The following SBNO2 variants were observed in gnomAD, a reference collection of about 807,000 sequenced individuals.
The protein encoded by SBNO2 is strawberry notch homolog 2, also known as protein strawberry notch homolog 2.
SBNO2 carries 89 observed loss-of-function variants against 146.3 expected under a neutral mutation model. The ratio of observed to expected loss-of-function variants is 0.61; its 90% confidence interval spans 0.51 to 0.73. SBNO2 has a LOEUF of 0.73. Among genes scored for constraint, SBNO2 ranks in the 30% least tolerant of loss-of-function variants. The pLI is 0.00. For synonymous variants in SBNO2, 1,147 were observed against 892.6 expected, an observed-to-expected ratio of 1.29 and a Z score of -5.08; for missense variants, 2,092 against 2,003.7, an observed-to-expected ratio of 1.04 and a Z score of -0.84.
intron 1 of SBNO2, among the ~76,000 whole-genome samples, chr19:1,156,721 G>A (rs892459500): frequency 7.2e-5 from 11 of 152,132 alleles, no homozygotes; most frequent in Admixed American, 1.3e-4. Context: ...CCTTGAGGAC[G>A]TCACGCTCTG....
chr19:1,148,249 C>T (rs948476352), intron 3 of SBNO2, among the ~76,000 whole-genome samples: 1 of 152,080 alleles, frequency 6.6e-6, no homozygotes, highest in Non-Finnish European at 1.5e-5. Flanking sequence ...GGGCCACTCT[C>T]CTCCTGCATA....
At chr19:1,163,336 G>T (rs1051707062) in intron 1 of SBNO2, among the ~76,000 whole-genome samples, 1 of 152,222 alleles carries the variant, frequency 6.6e-6, no homozygotes, top group Non-Finnish European at 1.5e-5. Flanking sequence ...CGCAGACCAA[G>T]GGCGCCTGGA....
intron 11 of SBNO2, 78 bp downstream of exon 11, chr19:1,122,047 ACTCCCACCCCTCCT>A: frequency 3.1e-6 from 2 of 644,526 alleles, no homozygotes; most frequent in Non-Finnish European, 4.0e-6. Flanking sequence ...CTCTCCCCTG[ACTCCCACCCCTCCT>A]CTCCCACTCC....
chr19:1,127,601 G>C lies in SBNO2; in HGVS notation c.441+3C>G. 1 of 1,611,940 alleles carries C rather than the reference G, an allele frequency of 6.2e-7. No homozygotes were observed. The highest frequency in any genetic ancestry group is 8.5e-7 in the Non-Finnish European group (1 of 1,179,674). ...GCTGGCTGGGGGCACCGGGCGCACT[G>C]ACCTTATCGTGGGTGGAGGGGGCAG... On this transcript the variant is annotated splice_donor_region_variant and intron_variant, in intron 5 of 31. Coordinates refer to ENST00000361757, the MANE Select transcript of SBNO2 (RefSeq NM_014963.3).
chr19:1,153,161 A>T (rs772016522), intron 2 of SBNO2, among the ~76,000 whole-genome samples: 22 of 151,922 alleles, frequency 1.4e-4, no homozygotes, highest in Non-Finnish European at 2.8e-4. Context: ...TTTAAAAATA[A>T]CAAAACAAAA....
intron 4 of SBNO2, among the ~76,000 whole-genome samples, chr19:1,141,072 G>A (rs1269633088): frequency 3.9e-5 from 6 of 151,900 alleles, no homozygotes; most frequent in East Asian, 1.9e-4. Flanking sequence ...GAGGCGCCCC[G>A]GAGAAGAGGC....
At chr19:1,164,073 C>T (rs1357723618) in intron 1 of SBNO2, among the ~76,000 whole-genome samples, 4 of 152,342 alleles carry the variant, frequency 2.6e-5, no homozygotes, top group East Asian at 1.9e-4. Context: ...CTCAGGCCCG[C>T]GGCCATCACG....
chr19:1,115,884 A>C (rs1444831705), intron 17 of SBNO2, 137 bp downstream of exon 17: 2 of 746,454 alleles, frequency 2.7e-6, no homozygotes, highest in Non-Finnish European at 4.7e-6. Context: ...CGGAGCCTTG[A>C]GCCTGCCTGG....
rs1407392046 is a variant in SBNO2, at chr19:1,158,702, A to G, written c.-126-4300T>C. ...CCACCGCACAGTCCCTGGAGGCCGC[A>G]TTACCTCAGCCGAGGTTCTCCGGGC... On this transcript the variant is annotated intron_variant, in intron 1 of 31. Coordinates refer to ENST00000361757, the MANE Select transcript of SBNO2 (RefSeq NM_014963.3). The surrounding 1 kb of genome is among the most constrained non-coding windows in gnomAD (Gnocchi z 9.9). Among the ~76,000 whole-genome samples the G allele has an allele frequency of 6.6e-6, 1 of 152,124 alleles. No individual in the cohort carries two copies. The highest frequency in any genetic ancestry group is 1.9e-4 in the East Asian group (1 of 5,188).
intron 11 of SBNO2, 108 bp from the exon 12 acceptor site, chr19:1,120,131 T>A (rs1472355999): frequency 9.3e-6 from 8 of 864,700 alleles, no homozygotes; most frequent in Non-Finnish European, 1.4e-5. Context: ...CAAACGCCTG[T>A]GCGGCTGAGA....
At chr19:1,132,432 C>CG (rs2080041816) in intron 4 of SBNO2, among the ~76,000 whole-genome samples, 2 of 152,230 alleles carry the variant, frequency 1.3e-5, no homozygotes, top group African/African-American at 4.8e-5. Flanking sequence ...GCAACCCCAC[C>CG]CGTGCCCCGC....
chr19:1,147,351 G>C lies in SBNO2; in HGVS notation c.237C>G (p.Ala79=). ...TCTTTGGTGGCAAGCTGGAGGCGGT[G>C]GCCACGGGGGCATAGCTGGTGTCTG... is the stretch of plus-strand genomic sequence containing the variant. ...PCPDTSYAPV[A]TASSLPPKTC... Residue 79 remains alanine (A), a synonymous_variant, in exon 4 of 32, where the codon GCC becomes GCG. Coordinates refer to ENST00000361757, the MANE Select transcript of SBNO2 (RefSeq NM_014963.3). 6.4e-7 allele frequency: 1 copy of C among 1,569,274 alleles called. No homozygotes were observed. The highest frequency in any genetic ancestry group is 1.2e-5 in the South Asian group (1 of 85,042).
intron 1 of SBNO2, among the ~76,000 whole-genome samples, chr19:1,172,173 G>A (rs1032390531): frequency 1.3e-5 from 2 of 152,128 alleles, no homozygotes; most frequent in African/African-American, 4.8e-5. Context: ...CACACTCCAG[G>A]GGCTGGCAGG....
chr19:1,123,537 T>TG lies in SBNO2; in HGVS notation c.624dup (p.Lys209GlnfsTer132). ...TGGGTGCAGCCGGGCCACTCACACT[T>TG]GGACGGCACGTAGTCGGCGTAGGTC... On this transcript the variant is annotated frameshift_variant, in exon 7 of 32. Coordinates refer to ENST00000361757, the MANE Select transcript of SBNO2 (RefSeq NM_014963.3). LOFTEE classifies it high-confidence loss of function. The TG allele has an allele frequency of 1.2e-6, 2 of 1,613,254 alleles. No homozygotes were observed. Among genetic ancestry groups the TG allele is most frequent in the Non-Finnish European group, 1.7e-6 (2 of 1,179,630 alleles).
intron 7 of SBNO2, 72 bp downstream of exon 7, chr19:1,123,462 T>C: frequency 7.7e-7 from 1 of 1,306,678 alleles, no homozygotes; most frequent in South Asian, 1.2e-5. Flanking sequence ...CGGGCGGTGG[T>C]CACCTGCAGG....
In SBNO2 at chr19:1,150,478, G is replaced by A. The variant is rs775092638; in HGVS notation, c.94-1036C>T. Among the ~76,000 whole-genome samples the A allele has an allele frequency of 8.6e-5, 13 of 151,344 alleles. No individual in the cohort carries two copies. Among genetic ancestry groups the A allele is most frequent in the African/African-American group, 1.5e-4 (6 of 40,960 alleles). ...GTCACGGGGGAGACCCTGCCGTCAC[G>A]GATGCCCCCACGGTCACGGGGGAGA... On this transcript the variant is annotated intron_variant, in intron 2 of 31. Transcript: ENST00000361757. This position sits in a 1 kb window ranked among gnomAD's most constrained non-coding sequence, Gnocchi z 6.2.
intron 10 of SBNO2, 58 bp downstream of exon 10, chr19:1,122,410 C>G: frequency 6.5e-7 from 1 of 1,529,092 alleles, no homozygotes; most frequent in Non-Finnish European, 8.8e-7. Context: ...TGAGCAGCCC[C>G]CACTTTGCAG....
chr19:1,117,737 C>T (rs372783590), intron 14 of SBNO2, among the ~76,000 whole-genome samples: 4 of 152,252 alleles, frequency 2.6e-5, no homozygotes, highest in Non-Finnish European at 5.9e-5. Flanking sequence ...ACAGACTCCG[C>T]GCCCGCGGCA....
At chr19:1,160,757 C>T (rs921136463) in intron 1 of SBNO2, among the ~76,000 whole-genome samples, 7 of 152,072 alleles carry the variant, frequency 4.6e-5, no homozygotes, top group Non-Finnish European at 7.4e-5. Context: ...CTCGAACTGC[C>T]GATTTCAGGT....
Sources: gnomAD v4.1 joint callset for allele counts (sites outside exome capture counted in the v4.1 genomes callset) on GRCh38, gnomAD v4.1.1 for gene constraint, Gnocchi (gnomAD v3.1) non-coding constraint, MANE v1.5 for transcripts, NCBI Gene and HGNC (gene_info 2026-07-23, HGNC 2026-07-21) for gene names.